SLC37A3: variants seen among roughly 807,000 people sequenced by gnomAD.
SLC37A3 encodes the protein solute carrier family 37 member 3.
A neutral mutation model predicts 67.1 loss-of-function variants in SLC37A3; 51 were observed. The ratio of observed to expected loss-of-function variants is 0.76; its 90% CI spans 0.61 to 0.96. The LOEUF (loss-of-function observed/expected upper bound fraction) is 0.96. Among genes scored for constraint, SLC37A3 ranks in the 40% least tolerant of loss-of-function variants. SLC37A3 has a pLI of 0.00. For synonymous variants in SLC37A3, 214 were observed against 231.4 expected, an observed-to-expected ratio of 0.92 and a Z score of 0.68; for missense variants, 508 against 603.0, an observed-to-expected ratio of 0.84 and a Z score of 1.65.
chr7:140,351,315 C>T lies in SLC37A3; in HGVS notation c.840G>A (p.Ala280=), dbSNP rs777119325. 248 of 1,613,978 alleles carry T rather than the reference C, an allele frequency of 1.5e-4. No homozygotes were observed. The highest frequency in any genetic ancestry group is 2.0e-4 in the Non-Finnish European group (234 of 1,180,012). The change falls in exon 9 of 15, where the codon GCG becomes GCA. Residue 280 remains alanine, a synonymous_variant. Coordinates refer to ENST00000326232, the MANE Select transcript of SLC37A3 (RefSeq NM_207113.3). ...QDDSSVAQVK[A]ISFYQACCLP... is the part of the protein sequence containing the mutation. ...GGCAACATGCCTGGTAGAAGCTTAT[C>T]GCCTTGACTTGGGCAACAGAACTAT...
At chr7:140,358,549 A>C in intron 6 of SLC37A3, 91 bp downstream of exon 6, 3 of 1,550,688 alleles carry the variant, frequency 1.9e-6, no homozygotes, top group Non-Finnish European at 2.6e-6. Context: ...GTGGTATCTA[A>C]GGCAGCAAAG....
In SLC37A3 at chr7:140,382,433, C is replaced by G; in HGVS notation, c.89+5G>C. The G allele has an allele frequency of 6.2e-7, 1 of 1,612,998 alleles. No homozygotes were observed. The highest frequency in any genetic ancestry group is 1.7e-5 in the Admixed American group (1 of 59,900). On this transcript the variant is annotated splice_donor_5th_base_variant and intron_variant, in intron 2 of 14. Coordinates refer to ENST00000326232, the MANE Select transcript of SLC37A3 (RefSeq NM_207113.3). ...GCAGGAGAGCAGCTTTGGCAACATG[C>G]TTACCTGAAGAAAGTGAGCAGGAAC... is the stretch of plus-strand genomic sequence containing the variant.
chr7:140,371,308 G>A (rs913213196), intron 3 of SLC37A3, among the ~76,000 whole-genome samples: 1 of 151,982 alleles, frequency 6.6e-6, no homozygotes, highest in Non-Finnish European at 1.5e-5. Context: ...CCCTCAGCTG[G>A]GATTACAGGC....
chr7:140,390,502 GT>G (rs1403747376), intron 1 of SLC37A3, among the ~76,000 whole-genome samples: 1 of 152,032 alleles, frequency 6.6e-6, no homozygotes, highest in African/African-American at 2.4e-5. Context: ...CCCCAAGGCC[GT>G]TTCTGGGCCG....
chr7:140,392,974 C>A (rs1367775414), intron 1 of SLC37A3, among the ~76,000 whole-genome samples: 2 of 152,144 alleles, frequency 1.3e-5, no homozygotes, highest in African/African-American at 4.8e-5. Flanking sequence ...CGCCTGTAAT[C>A]CCAGCTACTC....
intron 1 of SLC37A3, among the ~76,000 whole-genome samples, chr7:140,395,775 G>A (rs1798901134): frequency 6.6e-6 from 1 of 151,884 alleles, no homozygotes; most frequent in African/African-American, 2.4e-5. Flanking sequence ...ACCAAGGATG[G>A]GGAAAAAAAA....
At chr7:140,392,470 G>A (rs901898400) in intron 1 of SLC37A3, among the ~76,000 whole-genome samples, 2 of 151,910 alleles carry the variant, frequency 1.3e-5, no homozygotes, top group Non-Finnish European at 2.9e-5. Context: ...CCTCTTCACC[G>A]CCACCCTCTT....
chr7:140,384,241 A>C lies in SLC37A3; in HGVS notation c.-70-1645T>G, dbSNP rs929395721. On this transcript the variant is annotated intron_variant, in intron 1 of 14. Transcript: ENST00000326232. ...GAAAAAAAGTGGGAGCCGGTTATAA[A>C]TCTAATTAACTGTGTTCACATAATA... is the stretch of plus-strand genomic sequence containing the variant. Among the ~76,000 whole-genome samples the C allele has an allele frequency of 2.0e-5, 3 of 152,248 alleles. No individual in the cohort carries two copies. The East Asian group carries it at 5.8e-4, about 29-fold the overall frequency.
intron 1 of SLC37A3, among the ~76,000 whole-genome samples, chr7:140,394,552 G>A (rs187788168): frequency 3.3e-5 from 5 of 150,466 alleles, no homozygotes; most frequent in Admixed American, 6.6e-5. Flanking sequence ...AGCCTGGGAG[G>A]CTGAGGCAGC....
chr7:140,363,132 G>A lies in SLC37A3; in HGVS notation c.375+1276C>T, dbSNP rs375525723. Among the ~76,000 whole-genome samples, 18 of 86,102 alleles carry A rather than the reference G, an allele frequency of 2.1e-4. 2 individuals carry two copies. Among genetic ancestry groups the A allele is most frequent in the African/African-American group, 7.3e-4 (17 of 23,392 alleles). The allele number at this position is 86,102 out of a possible 152,430, so 56.5% of individuals were successfully genotyped here. On this transcript the variant is annotated intron_variant, in intron 5 of 14. Transcript: ENST00000326232. Reference sequence around the variant, plus strand: ...CGGGAGGTGAGGGGCGCTTCTGCCCGGCCGCCCCTACTGGGAAGTGAGGAG... The same window carrying A: ...CGGGAGGTGAGGGGCGCTTCTGCCCAGCCGCCCCTACTGGGAAGTGAGGAG...
intron 10 of SLC37A3, among the ~76,000 whole-genome samples, chr7:140,347,104 T>A (rs1303716118): frequency 1.3e-5 from 2 of 150,058 alleles, no homozygotes; most frequent in Non-Finnish European, 3.0e-5. Flanking sequence ...CTACAAAAAA[T>A]ACAAAAAAAT....
At chr7:140,345,393 A>C (rs548777151) in intron 11 of SLC37A3, 130 bp from the exon 12 acceptor site, 109 of 676,460 alleles carry the variant, frequency 1.6e-4, no homozygotes, top group South Asian at 8.3e-4. Context: ...AAGAGACACA[A>C]CTCTCTCTGC....
rs192775531 is a variant in SLC37A3, at chr7:140,340,516, G to A, written c.1326+2896C>T. 1.2e-3 allele frequency among the ~76,000 whole-genome samples: 178 copies of A among 152,040 alleles called. 2 individuals carry two copies. The highest frequency in any genetic ancestry group is 3.9e-3 in the African/African-American group (161 of 41,464). The stretch of plus-strand genomic sequence containing the variant: ...CAAGTGAAAAAAATTAATGCAGAAC[G>A]ACTATGTGATTTATATTAGATCACA... On this transcript the variant is annotated intron_variant, in intron 13 of 14. Coordinates refer to ENST00000326232, the MANE Select transcript of SLC37A3 (RefSeq NM_207113.3).
In SLC37A3 at chr7:140,351,344, C is replaced by T. The variant is rs1402007672; in HGVS notation, c.811G>A (p.Asp271Asn). ...DEYEPNYSIQ[D>N]DSSVAQVKAI... ...TTGACTTGGGCAACAGAACTATCAT[C>T]TTGGATTGAATAATTCGGCTCATAT... The change falls in exon 9 of 15, where the codon GAT (aspartate) becomes AAT (asparagine). Residue 271 changes from aspartate (D) to asparagine (N), a missense_variant. Asp to Asn is a conservative substitution (Grantham distance 23). Transcript: ENST00000326232. 6.2e-6 allele frequency: 10 copies of T among 1,614,078 alleles called. No individual in the cohort carries two copies. The highest frequency in any genetic ancestry group is 8.5e-6 in the Non-Finnish European group (10 of 1,180,030).
rs777524943 is a variant in SLC37A3, at chr7:140,358,722, GGCA to G, written c.436_438del (p.Cys146del). On this transcript the variant is annotated inframe_deletion, in exon 6 of 15. Coordinates refer to ENST00000326232, the MANE Select transcript of SLC37A3 (RefSeq NM_207113.3). Reference sequence around the variant, plus strand: ...TGCAGCAGGCCGTTCACAATCCACAGGCAGCAGTACAGCCATTTGTTGTAGAAA... The same window carrying G: ...TGCAGCAGGCCGTTCACAATCCACAGGCAGTACAGCCATTTGTTGTAGAAA... 1.2e-6 allele frequency: 2 copies of G among 1,614,136 alleles called. No homozygotes were observed. Among genetic ancestry groups the G allele is most frequent in the Non-Finnish European group, 8.5e-7 (1 of 1,180,040 alleles).
chr7:140,371,926 A>G (rs1797836767), intron 3 of SLC37A3, among the ~76,000 whole-genome samples: 1 of 151,580 alleles, frequency 6.6e-6, no homozygotes, highest in African/African-American at 2.4e-5. Context: ...ATCTTGGCTC[A>G]CTGCAACCTC....
intron 3 of SLC37A3, among the ~76,000 whole-genome samples, chr7:140,377,107 C>A (rs1473218308): frequency 6.6e-6 from 1 of 152,028 alleles, no homozygotes; most frequent in Non-Finnish European, 1.5e-5. Context: ...CCATACCCAG[C>A]TAATTTTTGT....
chr7:140,382,007 C>CGT (rs1461459379), intron 2 of SLC37A3, among the ~76,000 whole-genome samples: 2 of 107,766 alleles, frequency 1.9e-5, no homozygotes, highest in Non-Finnish European at 3.9e-5. Context: ...AAGTGATACT[C>CGT]CGTCTCAAAA....
intron 3 of SLC37A3, among the ~76,000 whole-genome samples, chr7:140,377,677 T>A (rs1230875155): frequency 6.6e-6 from 1 of 152,140 alleles, no homozygotes; most frequent in Non-Finnish European, 1.5e-5. Context: ...AGGATGCTAT[T>A]TAGAGCACTT....
Sources: gnomAD v4.1 joint callset for allele counts (sites outside exome capture counted in the v4.1 genomes callset) on GRCh38, gnomAD v4.1.1 for gene constraint, MANE v1.5 for transcripts, NCBI Gene and HGNC (gene_info 2026-07-23, HGNC 2026-07-21) for gene names.